CSF2RB: variants seen among roughly 807,000 people sequenced by gnomAD.
The protein encoded by CSF2RB is cytokine receptor common subunit beta.
Under a neutral mutation model 67.2 loss-of-function variants are expected in CSF2RB, and 22 were observed. The observed-to-expected ratio is 0.33, with a 90% confidence interval of 0.23 to 0.47. The LOEUF (loss-of-function observed/expected upper bound fraction) is 0.47, where lower values mean the gene tolerates loss of function less well. CSF2RB is among the 20% of genes least tolerant of loss of function. CSF2RB has a pLI of 1.00. For synonymous variants in CSF2RB, 507 were observed against 482.9 expected (o/e 1.05, Z -0.65); for missense variants, 1,113 against 1,174.5 (o/e 0.95, Z 0.76).
At chr22:36,919,257 T>A (rs529131689) in intron 1 of CSF2RB, among the ~76,000 whole-genome samples, 2 of 152,348 alleles carry the variant, frequency 1.3e-5, no homozygotes, top group African/African-American at 4.8e-5. Flanking sequence ...CACCCCCTGC[T>A]TCTGAATGCT....
rs1601587535 is a variant in CSF2RB, at chr22:36,929,427, G to A, written c.417G>A (p.Leu139=). 1 of 1,614,170 alleles carries A rather than the reference G, an allele frequency of 6.2e-7. No individual in the cohort carries two copies. The highest frequency in any genetic ancestry group is 1.1e-5 in the South Asian group (1 of 91,080). Residue 139 remains leucine (L), a synonymous_variant, in exon 5 of 14, where the codon CTG becomes CTA. Coordinates refer to ENST00000403662, the MANE Select transcript of CSF2RB (RefSeq NM_000395.3). ...QHVQPPEPRD[L]QISTDQDHFL... ...TCCAGCCTCCTGAGCCCAGGGACCT[G>A]CAGATCAGCACCGACCAGGACCACT... is the stretch of plus-strand genomic sequence containing the variant.
Position 36,930,710 on chromosome 22 carries a change from G to A in CSF2RB, c.892G>A (p.Gly298Ser), listed in dbSNP as rs576486802. The A allele has an allele frequency of 1.3e-4, 205 of 1,613,010 alleles. No individual in the cohort carries two copies. The highest frequency in any genetic ancestry group is 1.2e-3 in the South Asian group (108 of 91,022). ...ECSPVLREGL[G>S]SLHTRHHCQI... ...CTCCCCAGTGCTGAGGGAGGGGCTC[G>A]GCAGCCTCCACACCAGGCACCACTG... Residue 298 changes from glycine (G) to serine (S), a missense_variant, in exon 8 of 14, where the codon GGC (glycine) becomes AGC (serine). Gly to Ser is a moderately conservative substitution (Grantham distance 56, BLOSUM62 0). Around this residue, in one of 2 missense-constraint regions of CSF2RB, gnomAD observed 559 missense variants for 656.5 expected, o/e 0.85. Coordinates refer to ENST00000403662, the MANE Select transcript of CSF2RB (RefSeq NM_000395.3).
At chr22:36,924,435 T>C (rs533250594) in intron 3 of CSF2RB, among the ~76,000 whole-genome samples, 12 of 152,220 alleles carry the variant, frequency 7.9e-5, no homozygotes, top group African/African-American at 2.4e-4. Context: ...TCTTTCCCAA[T>C]TGCCTTGCAA....
chr22:36,937,818 CGG>C lies in CSF2RB; in HGVS notation c.2014_2015del (p.Gly672ArgfsTer31). 1 of 1,600,300 alleles carries C rather than the reference CGG, an allele frequency of 6.2e-7. No individual in the cohort carries two copies. Among genetic ancestry groups the C allele is most frequent in the Non-Finnish European group, 8.5e-7 (1 of 1,174,710 alleles). On this transcript the variant is annotated frameshift_variant, in exon 14 of 14. Coordinates refer to ENST00000403662, the MANE Select transcript of CSF2RB (RefSeq NM_000395.3). LOFTEE classifies it low-confidence loss of function (END_TRUNC). This position sits in a 1 kb window ranked among gnomAD's most constrained non-coding sequence, Gnocchi z 4.6. ...GAAGSPSLES[G>X]GGPAPPALGP... ...CTGCAGGGAGTCCCTCCCTGGAGTC[CGG>C]GGGAGGCCCTGCCCCTCCTGCTCTT...
At chr22:36,934,946 G>T (rs1465347620) in intron 10 of CSF2RB, among the ~76,000 whole-genome samples, 1 of 152,162 alleles carries the variant, frequency 6.6e-6, no homozygotes, top group African/African-American at 2.4e-5. Flanking sequence ...AGGGGCCTTT[G>T]CTCCTGCTGG....
In CSF2RB at chr22:36,926,197, G is replaced by T. The variant is rs757533889; in HGVS notation, c.391+20G>T. 1.2e-6 allele frequency: 2 copies of T among 1,612,688 alleles called. No homozygotes were observed. Among genetic ancestry groups the T allele is most frequent in the Admixed American group, 1.7e-5 (1 of 60,024 alleles). On this transcript the variant is annotated intron_variant, in intron 4 of 13. Coordinates refer to ENST00000403662, the MANE Select transcript of CSF2RB (RefSeq NM_000395.3). ...AGCATGGTGAGGGGCTGGGGGCCCT[G>T]CCCGGGGCTTGGTTTCCTGTGTGGA...
chr22:36,935,361 G>A lies in CSF2RB; in HGVS notation c.1326G>A (p.Met442Ile). Residue 442 changes from methionine to isoleucine, a missense_variant, in exon 11 of 14, where the codon ATG (methionine) becomes ATA (isoleucine). Met to Ile is a conservative substitution (Grantham distance 10, BLOSUM62 1). Around this residue, in one of 2 missense-constraint regions of CSF2RB, gnomAD observed 559 missense variants for 656.5 expected, o/e 0.85. Transcript: ENST00000403662. The stretch of plus-strand genomic sequence containing the variant: ...CCCGGCTGCTGGAAGTGCTGCCTAT[G>A]TGGGTGCTGGCCCTCATCGTGATCT... ...RSWDTESVLP[M>I]WVLALIVIFL... The A allele has an allele frequency of 1.2e-6, 2 of 1,614,210 alleles. No homozygotes were observed. Among genetic ancestry groups the A allele is most frequent in the South Asian group, 1.1e-5 (1 of 91,090 alleles).
rs372927280 is a variant in CSF2RB, at chr22:36,937,954, G to A, written c.2146G>A (p.Asp716Asn). ...GGCCTCTGGTTATGTCTCCTCTGCA[G>A]ACCTGGTATTCACCCCAAACTCAGG... Reference protein sequence around the residue: ...GVASGYVSSADLVFTPNSGAS... With the variant: ...GVASGYVSSANLVFTPNSGAS... Residue 716 changes from aspartate to asparagine, a missense_variant, in exon 14 of 14, where the codon GAC becomes AAC. Asp to Asn is a conservative substitution (Grantham distance 23). This residue lies in a region of CSF2RB where 554 missense variants were observed against 517.9 expected (regional missense o/e 1.07). Coordinates refer to ENST00000403662, the MANE Select transcript of CSF2RB (RefSeq NM_000395.3). This position sits in a 1 kb window ranked among gnomAD's most constrained non-coding sequence, Gnocchi z 4.6. 2 of 1,614,164 alleles carry A rather than the reference G, an allele frequency of 1.2e-6. No homozygotes were observed. The highest frequency in any genetic ancestry group is 1.7e-5 in the Admixed American group (1 of 60,034).
At position 36,937,481 on chromosome 22, in the gene CSF2RB, C is replaced by G; in HGVS notation, c.1673C>G (p.Ala558Gly). 6.2e-7 allele frequency: 1 copy of G among 1,614,014 alleles called. No individual in the cohort carries two copies. The highest frequency in any genetic ancestry group is 8.5e-7 in the Non-Finnish European group (1 of 1,179,980). ...PPSGPDTTPA[A>G]SDLPTEQPPS... ...TCTGGGCCTGACACGACTCCAGCTG[C>G]CTCAGATCTACCCACAGAGCAGCCC... is the stretch of plus-strand genomic sequence containing the variant. The change falls in exon 14 of 14, where the codon GCC becomes GGC. Residue 558 changes from alanine (A) to glycine (G), a missense_variant. Transcript: ENST00000403662. The surrounding 1 kb of genome is among the most constrained non-coding windows in gnomAD (Gnocchi z 4.6).
At chr22:36,931,108 C>A (rs544969428) in intron 8 of CSF2RB, among the ~76,000 whole-genome samples, 2 of 152,338 alleles carry the variant, frequency 1.3e-5, no homozygotes, top group Admixed American at 6.5e-5. Flanking sequence ...CTAGCCACAC[C>A]CTCCTGGTCC....
intron 8 of CSF2RB, among the ~76,000 whole-genome samples, chr22:36,931,471 G>GTTCAAAAGCACAGGATATATTAAGGGC: frequency 6.6e-6 from 1 of 152,232 alleles, no homozygotes; most frequent in Non-Finnish European, 1.5e-5. Flanking sequence ...AATTCTGATT[G>GTTCAAAAGCACAGGATATATTAAGGGC]TTCAAAAGCA....
chr22:36,917,314 T>C (rs1386028471), intron 1 of CSF2RB, among the ~76,000 whole-genome samples: 1 of 152,212 alleles, frequency 6.6e-6, no homozygotes, highest in Non-Finnish European at 1.5e-5. Context: ...TTTGTCAGGT[T>C]GACCTATGAA....
At position 36,937,832 on chromosome 22, in the gene CSF2RB, C is replaced by A. The variant is rs1486818972; in HGVS notation, c.2024C>A (p.Ala675Asp). 1.2e-6 allele frequency: 2 copies of A among 1,611,356 alleles called. No homozygotes were observed. The highest frequency in any genetic ancestry group is 1.3e-5 in the African/African-American group (1 of 75,026). Residue 675 changes from alanine to aspartate, a missense_variant, in exon 14 of 14, where the codon GCC becomes GAC. Physicochemically the swap from Ala to Asp is moderately radical, Grantham distance 126 (BLOSUM62 -2). This residue lies in a region of CSF2RB where 554 missense variants were observed against 517.9 expected (regional missense o/e 1.07). Coordinates refer to ENST00000403662, the MANE Select transcript of CSF2RB (RefSeq NM_000395.3). This position sits in a 1 kb window ranked among gnomAD's most constrained non-coding sequence, Gnocchi z 4.6. The part of the protein sequence containing the change: ...SPSLESGGGP[A>D]PPALGPRVGG... The stretch of plus-strand genomic sequence containing the variant: ...TCCCTGGAGTCCGGGGGAGGCCCTG[C>A]CCCTCCTGCTCTTGGGCCAAGGGTG...
intron 3 of CSF2RB, among the ~76,000 whole-genome samples, chr22:36,925,634 G>T (rs771878444): frequency 2.0e-5 from 3 of 152,132 alleles, no homozygotes; most frequent in Non-Finnish European, 4.4e-5. Context: ...CTCACAATTT[G>T]CACAGTCCCT....
intron 2 of CSF2RB, chr22:36,922,700 G>A (rs1940906197): frequency 3.1e-6 from 1 of 326,074 alleles, no homozygotes; most frequent in East Asian, 7.3e-5. Flanking sequence ...TGTGCCTGAA[G>A]CCCGCACTGG....
At position 36,938,555 on chromosome 22, in the gene CSF2RB, G is replaced by C; in HGVS notation, c.*53G>C. 1.3e-6 allele frequency: 2 copies of C among 1,541,400 alleles called. No individual in the cohort carries two copies. Among genetic ancestry groups the C allele is most frequent in the South Asian group, 1.2e-5 (1 of 81,522 alleles). ...ATGGAGAGGGCTTGCCTTCCCTCCC[G>C]CCTGACCTTCCTCAGTCATTTCTGC... On this transcript the variant is annotated 3_prime_UTR_variant, in exon 14 of 14. Transcript: ENST00000403662.
intron 1 of CSF2RB, among the ~76,000 whole-genome samples, chr22:36,917,514 T>C (rs1032313368): frequency 3.9e-5 from 6 of 152,236 alleles, no homozygotes; most frequent in Admixed American, 6.5e-5. Flanking sequence ...CTTTTCTCTC[T>C]CTTCCTTTCT....
chr22:36,937,466 A>C lies in CSF2RB; in HGVS notation c.1658A>C (p.Asp553Ala). ...KHVCDPPSGPDTTPAASDLPT... is the reference protein window; with the variant it reads ...KHVCDPPSGPATTPAASDLPT... ...GTCTGTGATCCACCATCTGGGCCTG[A>C]CACGACTCCAGCTGCCTCAGATCTA... Residue 553 changes from aspartate (D) to alanine (A), a missense_variant, in exon 14 of 14, where the codon GAC becomes GCC. This residue lies in a region of CSF2RB where 554 missense variants were observed against 517.9 expected (regional missense o/e 1.07). Transcript: ENST00000403662. The surrounding 1 kb of genome is among the most constrained non-coding windows in gnomAD (Gnocchi z 4.6). 1 of 1,614,004 alleles carries C rather than the reference A, an allele frequency of 6.2e-7. No individual in the cohort carries two copies. Among genetic ancestry groups the C allele is most frequent in the Non-Finnish European group, 8.5e-7 (1 of 1,179,964 alleles).
chr22:36,929,950 T>C, intron 6 of CSF2RB, 143 bp downstream of exon 6: 2 of 1,145,842 alleles, frequency 1.7e-6, no homozygotes, highest in Non-Finnish European at 1.2e-6. Context: ...CCCTGGGCCG[T>C]CCCACCTCTA....
Sources: gnomAD v4.1 joint callset for allele counts (sites outside exome capture counted in the v4.1 genomes callset) on GRCh38, gnomAD v4.1.1 for gene constraint, gnomAD v4.1.1 regional missense constraint, Gnocchi (gnomAD v3.1) non-coding constraint, MANE v1.5 for transcripts, NCBI Gene and HGNC (gene_info 2026-07-23, HGNC 2026-07-21) for gene names.